The following GPR137C variants were observed in gnomAD, a reference collection of about 807,000 sequenced individuals.
GPR137C encodes G protein-coupled receptor 137C, also known as integral membrane protein GPR137C.
In GPR137C, 27 loss-of-function variants were observed where a neutral mutation model predicts 43.4. The observed-to-expected ratio is 0.62, with a 90% confidence interval of 0.46 to 0.86. The LOEUF (loss-of-function observed/expected upper bound fraction) is 0.86. Ranked by LOEUF, GPR137C falls within the 40% of genes least tolerant of loss-of-function variation. The pLI is 0.00. For synonymous variants in GPR137C, 285 were observed against 226.9 expected (o/e 1.26, Z -2.30); for missense variants, 522 against 534.6 (o/e 0.98, Z 0.23).
intron 3 of GPR137C, among the ~76,000 whole-genome samples, chr14:52,623,667 C>CTTCATAATATTTT (rs60269761): frequency 0.94 from 142,654 of 151,744 alleles, 67,092 homozygotes; most frequent in East Asian, 0.99. Context: ...CTGAAAGAGG[C>CTTCATAATATTTT]TTCATAATAT....
intron 3 of GPR137C, among the ~76,000 whole-genome samples, chr14:52,602,771 T>G (rs2038941547): frequency 6.6e-6 from 1 of 152,168 alleles, no homozygotes; most frequent in South Asian, 2.1e-4. Context: ...CTTGGGGCAC[T>G]TATCAGTTTA....
chr14:52,630,935 C>T (rs754342406), intron 3 of GPR137C, among the ~76,000 whole-genome samples: 1 of 152,104 alleles, frequency 6.6e-6, no homozygotes, highest in Non-Finnish European at 1.5e-5. Context: ...ATGAATGGGG[C>T]AGCTATAAAT....
At chr14:52,625,993 T>A (rs1164289804) in intron 3 of GPR137C, among the ~76,000 whole-genome samples, 1 of 152,096 alleles carries the variant, frequency 6.6e-6, no homozygotes, top group Non-Finnish European at 1.5e-5. Context: ...AAATATTAAA[T>A]AAATACAAAG....
In GPR137C at chr14:52,635,154, AAATGTGTATATTC is replaced by A; in HGVS notation, c.*47_*59del. On this transcript the variant is annotated 3_prime_UTR_variant, in exon 7 of 7. Coordinates refer to ENST00000321662, the MANE Select transcript of GPR137C (RefSeq NM_001099652.2). ...TCATGATTCTTGAGTTGTTTTTCAT[AAATGTGTATATTC>A]AATGTGTTTAAATTCCATCTACATA... is the stretch of plus-strand genomic sequence containing the variant. 6.9e-7 allele frequency: 1 copy of A among 1,454,858 alleles called. No individual in the cohort carries two copies. Among genetic ancestry groups the A allele is most frequent in the Admixed American group, 2.4e-5 (1 of 41,734 alleles). 90.1% of individuals were successfully genotyped at this position (1,454,858 alleles called of 1,614,324 possible). A position where few individuals can be genotyped will look rare whatever the true frequency, so the allele number is the denominator to read the frequency against.
chr14:52,564,148 A>C (rs2038329423), intron 1 of GPR137C, among the ~76,000 whole-genome samples: 1 of 151,414 alleles, frequency 6.6e-6, no homozygotes. Context: ...GGTGGCACAC[A>C]CCTCTAGTCT....
chr14:52,565,046 G>T (rs113164022), intron 1 of GPR137C, among the ~76,000 whole-genome samples: 1 of 152,130 alleles, frequency 6.6e-6, no homozygotes, highest in Non-Finnish European at 1.5e-5. Flanking sequence ...GTGGTGAATC[G>T]GAAAGCACGT....
At chr14:52,588,335 G>T (rs2139500470) in intron 1 of GPR137C, among the ~76,000 whole-genome samples, 1 of 152,092 alleles carries the variant, frequency 6.6e-6, no homozygotes, top group East Asian at 1.9e-4. Flanking sequence ...AATAGAGACA[G>T]GGTTTCACCA....
At chr14:52,590,415 T>C (rs1041003360) in intron 1 of GPR137C, among the ~76,000 whole-genome samples, 3 of 152,194 alleles carry the variant, frequency 2.0e-5, no homozygotes, top group African/African-American at 7.2e-5. Context: ...TTATTGTTCA[T>C]TTTTAAAAAT....
intron 1 of GPR137C, among the ~76,000 whole-genome samples, chr14:52,562,515 C>G (rs1354500073): frequency 2.0e-5 from 3 of 152,078 alleles, no homozygotes; most frequent in African/African-American, 7.2e-5. Context: ...CTCAGCTACT[C>G]AGGAGGCTGA....
intron 1 of GPR137C, among the ~76,000 whole-genome samples, chr14:52,571,298 C>G (rs10150835): frequency 0.44 from 66,717 of 151,968 alleles, 14,741 homozygotes; most frequent in East Asian, 0.54. Context: ...TGAGAATAAA[C>G]ACACATCATA....
Position 52,587,795 on chromosome 14 carries a change from C to T in GPR137C, c.445-10477C>T, listed in dbSNP as rs116188594. Among the ~76,000 whole-genome samples, 936 of 152,032 alleles carry T rather than the reference C, an allele frequency of 6.2e-3. 11 individuals carry two copies. Among genetic ancestry groups the T allele is most frequent in the African/African-American group, 0.02 (829 of 41,474 alleles). ...TAAAAAGTAAAATGAAATAATAATT[C>T]AGAATAACTAAACCGTAAGTTTGAA... On this transcript the variant is annotated intron_variant, in intron 1 of 6. Coordinates refer to ENST00000321662, the MANE Select transcript of GPR137C (RefSeq NM_001099652.2).
At chr14:52,557,802 G>T (rs1207599118) in intron 1 of GPR137C, among the ~76,000 whole-genome samples, 1 of 152,142 alleles carries the variant, frequency 6.6e-6, no homozygotes, top group African/African-American at 2.4e-5. Flanking sequence ...TGATACTATT[G>T]TATAGCTCAG....
intron 1 of GPR137C, 23 bp from the exon 2 acceptor site, chr14:52,598,249 T>G (rs1336961633): frequency 6.4e-6 from 7 of 1,091,600 alleles, no homozygotes; most frequent in Admixed American, 3.0e-5. Context: ...TTTCAAAATT[T>G]TTTTTTTATA....
intron 3 of GPR137C, among the ~76,000 whole-genome samples, chr14:52,628,799 TAAA>T (rs970269383): frequency 2.0e-5 from 3 of 151,696 alleles, no homozygotes; most frequent in African/African-American, 7.3e-5. Flanking sequence ...GTCTCAAAAA[TAAA>T]AAAGAAGTTA....
chr14:52,604,583 T>C (rs1233930752), intron 3 of GPR137C, among the ~76,000 whole-genome samples: 1 of 151,988 alleles, frequency 6.6e-6, no homozygotes, highest in East Asian at 1.9e-4. Flanking sequence ...GTAGCTGGAA[T>C]TACAGGTGCT....
intron 3 of GPR137C, among the ~76,000 whole-genome samples, chr14:52,622,403 G>A (rs567494411): frequency 6.6e-6 from 1 of 152,022 alleles, no homozygotes; most frequent in Non-Finnish European, 1.5e-5. Context: ...ATATTCAAAA[G>A]CATGTGTTAA....
chr14:52,572,280 C>T (rs2038483256), intron 1 of GPR137C, among the ~76,000 whole-genome samples: 1 of 152,146 alleles, frequency 6.6e-6, no homozygotes, highest in African/African-American at 2.4e-5. Flanking sequence ...CAAAACCTGG[C>T]AGAGACACAA....
In GPR137C at chr14:52,606,903, A is replaced by G. The variant is rs542799481; in HGVS notation, c.717+6562A>G. ...TATTAGATTGTTTATTTGTCTTTCTATTTTTTTGATGGAGGCATTTACTTC... is the reference window on the plus strand; with the variant it reads ...TATTAGATTGTTTATTTGTCTTTCTGTTTTTTTGATGGAGGCATTTACTTC... On this transcript the variant is annotated intron_variant, in intron 3 of 6. Transcript: ENST00000321662. Among the ~76,000 whole-genome samples the G allele has an allele frequency of 6.6e-5, 10 of 151,188 alleles. No homozygotes were observed. The East Asian group carries it at 9.7e-4, about 15-fold the overall frequency.
Position 52,571,072 on chromosome 14 carries a change from T to G in GPR137C, c.444+17481T>G, listed in dbSNP as rs190557091. On this transcript the variant is annotated intron_variant, in intron 1 of 6. Coordinates refer to ENST00000321662, the MANE Select transcript of GPR137C (RefSeq NM_001099652.2). ...CACCGCATCACACTTATTCTAAAAT[T>G]GACCACGTAATTGGAAGTAAAACAT... Among the ~76,000 whole-genome samples the G allele has an allele frequency of 3.2e-3, 494 of 152,284 alleles. 1 individual carries two copies. Among genetic ancestry groups the G allele is most frequent in the Admixed American group, 6.0e-3 (91 of 15,280 alleles).
Sources: allele counts gnomAD v4.1 joint callset (sites outside exome capture counted in the v4.1 genomes callset), GRCh38; gene constraint gnomAD v4.1.1; transcripts MANE v1.5; gene names NCBI Gene and HGNC (gene_info 2026-07-23, HGNC 2026-07-21).